Variants in MNAT1 observed in about 807,000 individuals in gnomAD.
MNAT1 encodes CDK-activating kinase assembly factor MAT1.
MNAT1 carries 43 observed loss-of-function variants against 42.0 expected under a neutral mutation model. The ratio of observed to expected loss-of-function variants is 1.02; its 90% confidence interval spans 0.80 to 1.32. MNAT1 has a LOEUF of 1.32. MNAT1 is among the 40% of genes most tolerant of loss of function. The pLI, the probability that MNAT1 is intolerant of heterozygous loss-of-function variation, is 0.00. For missense variants in MNAT1, 306 were observed against 350.4 expected, an observed-to-expected ratio of 0.87 and a Z score of 1.01; for synonymous variants, 118 against 120.0, an observed-to-expected ratio of 0.98 and a Z score of 0.11.
intron 1 of MNAT1, among the ~76,000 whole-genome samples, chr14:60,759,412 CA>C (rs945098227): frequency 5.3e-5 from 8 of 151,882 alleles, no homozygotes; most frequent in Non-Finnish European, 8.8e-5. Context: ...TAAATTAAAA[CA>C]AAACAAAAAA....
In MNAT1 at chr14:60,890,299, A is replaced by C. The variant is rs116642036; in HGVS notation, c.809+10464A>C. ...AACCTTGCATCCCAGGCATAAATTT[A>C]CGTACTCATGATGTAAAATCTTCTT... On this transcript the variant is annotated intron_variant, in intron 7 of 7. Coordinates refer to ENST00000261245, the MANE Select transcript of MNAT1 (RefSeq NM_002431.4). Among the ~76,000 whole-genome samples the C allele has an allele frequency of 5.1e-3, 780 of 152,254 alleles. 14 individuals are homozygous for C. The highest frequency in any genetic ancestry group is 0.018 in the African/African-American group (732 of 41,554).
At chr14:60,908,017 T>C (rs539900526) in intron 7 of MNAT1, among the ~76,000 whole-genome samples, 21 of 152,238 alleles carry the variant, frequency 1.4e-4, no homozygotes, top group Middle Eastern at 3.4e-3. Flanking sequence ...CAGAGATAAA[T>C]TGATGAATCT....
intron 7 of MNAT1, among the ~76,000 whole-genome samples, chr14:60,956,125 G>A (rs75657701): frequency 0.034 from 5,143 of 151,458 alleles, 394 homozygotes; most frequent in South Asian, 0.24. Context: ...TTTAAGTATT[G>A]TCTTTTATTA....
intron 7 of MNAT1, among the ~76,000 whole-genome samples, chr14:60,953,563 A>T (rs1406571492): frequency 6.6e-6 from 1 of 152,206 alleles, no homozygotes; most frequent in Non-Finnish European, 1.5e-5. Context: ...TATCAAATAG[A>T]AGATAGAGGG....
intron 6 of MNAT1, among the ~76,000 whole-genome samples, chr14:60,877,809 T>C (rs932454735): frequency 7.2e-5 from 11 of 152,186 alleles, no homozygotes; most frequent in African/African-American, 2.6e-4. Context: ...TCAAATATGA[T>C]CTGTAGGGTC....
chr14:60,950,566 T>C (rs2036362266), intron 7 of MNAT1, among the ~76,000 whole-genome samples: 1 of 152,188 alleles, frequency 6.6e-6, no homozygotes, highest in South Asian at 2.1e-4. Context: ...CACAAATTCG[T>C]AAACTTTCTT....
chr14:60,850,424 A>G (rs760296616), intron 6 of MNAT1, among the ~76,000 whole-genome samples: 16 of 152,212 alleles, frequency 1.1e-4, no homozygotes, highest in Non-Finnish European at 1.9e-4. Context: ...GAGAATGAGA[A>G]CTAATGGGGA....
intron 7 of MNAT1, among the ~76,000 whole-genome samples, chr14:60,887,370 C>T (rs189218329): frequency 3.3e-4 from 48 of 146,606 alleles, no homozygotes; most frequent in African/African-American, 1.1e-3. Context: ...GGTATATCTC[C>T]TAATGCTATC....
chr14:60,943,319 T>C (rs1222636210), intron 7 of MNAT1, among the ~76,000 whole-genome samples: 1 of 152,130 alleles, frequency 6.6e-6, no homozygotes, highest in Non-Finnish European at 1.5e-5. Context: ...ATATGAACAC[T>C]CATAAAATTT....
chr14:60,967,402 T>A (rs1473227397), intron 7 of MNAT1, among the ~76,000 whole-genome samples: 3 of 152,224 alleles, frequency 2.0e-5, no homozygotes, highest in Non-Finnish European at 2.9e-5. Context: ...AAGAAACAAG[T>A]TAGTTTCTTA....
intron 7 of MNAT1, among the ~76,000 whole-genome samples, chr14:60,898,126 TGTGTGTGTGTGTGTGC>T (rs1317794072): frequency 0.021 from 1,957 of 94,822 alleles, 51 homozygotes; most frequent in African/African-American, 0.063. Flanking sequence ...TGTGTGTGTG[TGTGTGTGTGTGTGTGC>T]GCGCGCCACA....
chr14:60,818,771 G>C lies in MNAT1; in HGVS notation c.611G>C (p.Arg204Thr). The change falls in exon 6 of 8, where the codon AGA (arginine) becomes ACA (threonine). Residue 204 changes from arginine to threonine, a missense_variant. Physicochemically the swap from Arg to Thr is moderately conservative, Grantham distance 71. This residue lies in a region of MNAT1 where 116 missense variants were observed against 139.6 expected (regional missense o/e 0.83). Coordinates refer to ENST00000261245, the MANE Select transcript of MNAT1 (RefSeq NM_002431.4). ...VALLLAQHKD[R>T]STQLEMQLEK... ...CTGCTTTTGGCTCAGCATAAAGATAGATCTACCCAATTAGAAATGCAACTT... is the reference window on the plus strand; with the variant it reads ...CTGCTTTTGGCTCAGCATAAAGATACATCTACCCAATTAGAAATGCAACTT... 6.2e-7 allele frequency: 1 copy of C among 1,612,694 alleles called. No homozygotes were observed. The highest frequency in any genetic ancestry group is 8.5e-7 in the Non-Finnish European group (1 of 1,179,046).
At chr14:60,748,138 A>T (rs1169396068) in intron 1 of MNAT1, among the ~76,000 whole-genome samples, 1 of 152,122 alleles carries the variant, frequency 6.6e-6, no homozygotes, top group African/African-American at 2.4e-5. Flanking sequence ...CAGAGGTTGC[A>T]GTGAGCTAAA....
chr14:60,794,706 G>A (rs1422230994), intron 1 of MNAT1, among the ~76,000 whole-genome samples: 2 of 141,460 alleles, frequency 1.4e-5, no homozygotes, highest in Non-Finnish European at 3.0e-5. Flanking sequence ...ACATATGTGT[G>A]TATATATATG....
intron 1 of MNAT1, among the ~76,000 whole-genome samples, chr14:60,767,920 C>T (rs1320096515): frequency 6.6e-6 from 1 of 152,136 alleles, no homozygotes; most frequent in Non-Finnish European, 1.5e-5. Flanking sequence ...CACGCCACCA[C>T]ACCCAGCTAA....
intron 7 of MNAT1, among the ~76,000 whole-genome samples, chr14:60,933,619 G>A (rs752748153): frequency 6.6e-5 from 10 of 152,122 alleles, no homozygotes; most frequent in Non-Finnish European, 1.5e-4. Context: ...AAAATGAGAT[G>A]TCCTTCCTTT....
intron 6 of MNAT1, among the ~76,000 whole-genome samples, chr14:60,848,762 A>G (rs1179941609): frequency 6.6e-6 from 1 of 152,156 alleles, no homozygotes; most frequent in Non-Finnish European, 1.5e-5. Context: ...TAATTAAAGT[A>G]TTGACTTTTC....
At chr14:60,912,912 G>A (rs1255059567) in intron 7 of MNAT1, among the ~76,000 whole-genome samples, 4 of 152,176 alleles carry the variant, frequency 2.6e-5, no homozygotes, top group African/African-American at 9.7e-5. Flanking sequence ...ATAATATCCT[G>A]CAGAGTGTTT....
At chr14:60,764,057 A>G (rs1274811333) in intron 1 of MNAT1, among the ~76,000 whole-genome samples, 4 of 152,146 alleles carry the variant, frequency 2.6e-5, no homozygotes, top group Admixed American at 6.5e-5. Context: ...CTAGCATGGA[A>G]AATAGTTGAT....
Sources: allele counts gnomAD v4.1 joint callset (sites outside exome capture counted in the v4.1 genomes callset), GRCh38; gene constraint gnomAD v4.1.1; regional missense constraint gnomAD v4.1.1; transcripts MANE v1.5; gene names NCBI Gene and HGNC (gene_info 2026-07-23, HGNC 2026-07-21).